Variants in FAM98A observed in about 807,000 individuals in gnomAD.
FAM98A encodes tRNA splicing ligase complex subunit 3A, also known as protein FAM98A.
Under a neutral mutation model 62.9 loss-of-function variants are expected in FAM98A, and 25 were observed. That is an observed-to-expected ratio of 0.40 (90% CI 0.29 to 0.56). The LOEUF (loss-of-function observed/expected upper bound fraction) is 0.56, where lower values mean the gene tolerates loss of function less well. FAM98A is among the 20% of genes least tolerant of loss of function. The pLI is 0.51. For synonymous variants in FAM98A, 252 were observed against 228.6 expected (o/e 1.10, Z -0.92); for missense variants, 653 against 640.7 (o/e 1.02, Z -0.21).
At position 33,592,201 on chromosome 2, in the gene FAM98A, A is replaced by C. The variant is rs753654880; in HGVS notation, c.216T>G (p.Ala72=). ...NVQATNSPSE[A]EEFQLEVSGL... ...CACTCACCTCAAGCTGGAATTCTTC[A>C]GCTTCACTCGGACCTTTTAAGAATT... The change falls in exon 3 of 8, where the codon GCT becomes GCG. Residue 72 remains alanine (A), a synonymous_variant. Coordinates refer to ENST00000238823, the MANE Select transcript of FAM98A (RefSeq NM_015475.5). The C allele has an allele frequency of 2.5e-6, 4 of 1,610,824 alleles. No homozygotes were observed. The East Asian group carries it at 8.9e-5, about 36-fold the overall frequency.
intron 4 of FAM98A, chr2:33,587,589 C>G (rs1677584868): frequency 2.4e-6 from 1 of 420,414 alleles, no homozygotes; most frequent in Non-Finnish European, 4.4e-6. Context: ...TGAATGAACA[C>G]ACAGGAAAAT....
In FAM98A at chr2:33,584,102, T is replaced by G. The variant is rs1037652230; in HGVS notation, c.*674A>C. ...CTTAACTAAATGCCTACATGTACTA[T>G]AGCTTCACAACTTAGTTTGCTTTTA... On this transcript the variant is annotated 3_prime_UTR_variant, in exon 8 of 8. Transcript: ENST00000238823. 5 of 152,698 alleles carry G rather than the reference T, an allele frequency of 3.3e-5. No individual in the cohort carries two copies. The highest frequency in any genetic ancestry group is 7.3e-5 in the Non-Finnish European group (5 of 68,072). The allele number at this position is 152,698 out of a possible 1,614,324, so 9.5% of individuals were successfully genotyped here. A position where few individuals can be genotyped will look rare whatever the true frequency, so the allele number is the denominator to read the frequency against.
chr2:33,587,913 T>C (rs1025376571), intron 4 of FAM98A, among the ~76,000 whole-genome samples: 4 of 151,432 alleles, frequency 2.6e-5, no homozygotes, highest in African/African-American at 7.3e-5. Context: ...AGGTTTGAAG[T>C]GACTGGATTA....
intron 6 of FAM98A, among the ~76,000 whole-genome samples, 189 bp from the exon 7 acceptor site, chr2:33,585,886 G>T (rs1422078235): frequency 1.3e-5 from 2 of 152,160 alleles, no homozygotes; most frequent in Admixed American, 1.3e-4. Flanking sequence ...ACAGCTGCCA[G>T]ACTTGTTGAC....
chr2:33,585,818 G>A (rs574391122), intron 6 of FAM98A, 121 bp from the exon 7 acceptor site: 27 of 876,136 alleles, frequency 3.1e-5, no homozygotes, highest in Middle Eastern at 2.5e-4. Flanking sequence ...GCTCTAGATG[G>A]TAGGAAAAGT....
chr2:33,594,614 T>TATATATATACACAC (rs1558550422), intron 2 of FAM98A, among the ~76,000 whole-genome samples: 2 of 56,268 alleles, frequency 3.6e-5, no homozygotes, highest in South Asian at 9.9e-4. Context: ...CATACACACA[T>TATATATATACACAC]ATATATATAC....
At chr2:33,587,209 A>G in intron 5 of FAM98A, 31 bp downstream of exon 5, 1 of 1,363,130 alleles carries the variant, frequency 7.3e-7, no homozygotes, top group Non-Finnish European at 1.0e-6. Context: ...ATAGTTCTTT[A>G]CAAAGTTTAC....
At chr2:33,596,957 T>C (rs1677827408) in intron 1 of FAM98A, among the ~76,000 whole-genome samples, 1 of 151,496 alleles carries the variant, frequency 6.6e-6, no homozygotes, top group South Asian at 2.1e-4. Context: ...AAATGACAGT[T>C]CTCAAACCCT....
Position 33,586,428 on chromosome 2 carries a change from A to G in FAM98A, c.720+134T>C, listed in dbSNP as rs183604307. 411 of 582,772 alleles carry G rather than the reference A, an allele frequency of 7.1e-4. 3 individuals are homozygous for G. Among genetic ancestry groups the G allele is most frequent in the African/African-American group, 6.7e-3 (370 of 54,840 alleles). 36.1% of individuals were successfully genotyped at this position (582,772 alleles called of 1,614,324 possible). On this transcript the variant is annotated intron_variant, in intron 6 of 7. Transcript: ENST00000238823. ...GAATAGTTGAAAGAGCCACTACTCA[A>G]TAACTCACTAAGGAAAAATCCCTAT... is the stretch of plus-strand genomic sequence containing the variant.
intron 2 of FAM98A, among the ~76,000 whole-genome samples, chr2:33,593,224 CA>C (rs911310981): frequency 6.6e-6 from 1 of 152,126 alleles, no homozygotes; most frequent in Admixed American, 6.5e-5. Flanking sequence ...AGTAACGTGG[CA>C]AAACCCCGTC....
chr2:33,594,154 A>C (rs1391760761), intron 2 of FAM98A, among the ~76,000 whole-genome samples: 1 of 152,170 alleles, frequency 6.6e-6, no homozygotes, highest in Non-Finnish European at 1.5e-5. Context: ...AACACATATA[A>C]AGTGTTTAGA....
At chr2:33,585,747 T>C (rs113672771) in intron 6 of FAM98A, 50 bp from the exon 7 acceptor site, 14 of 1,519,530 alleles carry the variant, frequency 9.2e-6, no homozygotes, top group Non-Finnish European at 1.3e-5. Flanking sequence ...CAAAATGACA[T>C]AAGAAACACA....
At chr2:33,589,943 A>C (rs1458251969) in intron 3 of FAM98A, 1 of 152,198 alleles carries the variant, frequency 6.6e-6, no homozygotes, top group Non-Finnish European at 1.5e-5. Context: ...CATATACTAT[A>C]TGATTTAATA....
intron 1 of FAM98A, among the ~76,000 whole-genome samples, chr2:33,598,572 A>G (rs970014588): frequency 2.6e-5 from 4 of 152,206 alleles, no homozygotes; most frequent in African/African-American, 9.6e-5. Flanking sequence ...AGAGTATCAC[A>G]GAGTCAAAGC....
chr2:33,594,782 A>G (rs1352912170), intron 2 of FAM98A, among the ~76,000 whole-genome samples: 1 of 151,874 alleles, frequency 6.6e-6, no homozygotes, highest in Non-Finnish European at 1.5e-5. Flanking sequence ...AAAAGGAATT[A>G]TATGTATAGC....
chr2:33,589,783 C>G (rs1677631807), intron 3 of FAM98A: 1 of 152,174 alleles, frequency 6.6e-6, no homozygotes, highest in African/African-American at 2.4e-5. Context: ...GACACTGCCA[C>G]ACTCACTCAT....
intron 3 of FAM98A, chr2:33,589,492 GA>G (rs1013605300): frequency 6.6e-6 from 1 of 152,096 alleles, no homozygotes; most frequent in African/African-American, 2.4e-5. Context: ...ATTAGAAGTA[GA>G]AAAAAGTCAA....
chr2:33,592,270 T>C lies in FAM98A; in HGVS notation c.203-56A>G, dbSNP rs535437909. 238 of 1,326,328 alleles carry C rather than the reference T, an allele frequency of 1.8e-4. 5 individuals are homozygous for C. In the South Asian group the frequency reaches 3.1e-3, roughly 17 times the overall value. The allele number at this position is 1,326,328 out of a possible 1,614,324, so 82.2% of individuals were successfully genotyped here. A position where few individuals can be genotyped will look rare whatever the true frequency, so the allele number is the denominator to read the frequency against. ...GATAGTGATTATTTTTCCATTAGCA[T>C]AACAATTATTATATATAATTGAAAT... On this transcript the variant is annotated intron_variant, in intron 2 of 7. Transcript: ENST00000238823.
chr2:33,592,041 CAGAA>C, intron 3 of FAM98A, 35 bp downstream of exon 3: 3 of 1,562,550 alleles, frequency 1.9e-6, no homozygotes, highest in Non-Finnish European at 2.6e-6. Flanking sequence ...AAAACATAAA[CAGAA>C]AGTAATAGCT....
Sources: gnomAD v4.1 joint callset for allele counts (sites outside exome capture counted in the v4.1 genomes callset) on GRCh38, gnomAD v4.1.1 for gene constraint, MANE v1.5 for transcripts, NCBI Gene and HGNC (gene_info 2026-07-23, HGNC 2026-07-21) for gene names.